The following C3orf20 variants were observed in gnomAD, a reference collection of about 807,000 sequenced individuals.
C3orf20 encodes family with sequence similarity 149 member C, also known as uncharacterized protein C3orf20.
C3orf20 carries 76 observed loss-of-function variants against 88.3 expected under a neutral mutation model. That is an observed-to-expected ratio of 0.86 (90% CI 0.72 to 1.04). C3orf20 has a LOEUF of 1.04. C3orf20 is among the 50% of genes least tolerant of loss of function. C3orf20 has a pLI of 0.00. For synonymous variants in C3orf20, 436 were observed against 437.4 expected, an observed-to-expected ratio of 1.00 and a Z score of 0.04; for missense variants, 1,056 against 1,123.3, an observed-to-expected ratio of 0.94 and a Z score of 0.86.
chr3:14,692,637 G>A (rs999563484), intron 5 of C3orf20, among the ~76,000 whole-genome samples: 1 of 151,804 alleles, frequency 6.6e-6, no homozygotes, highest in African/African-American at 2.4e-5. Context: ...ATTCTCGTCT[G>A]GTCAAATGGG....
At chr3:14,727,299 T>G (rs932507741) in intron 11 of C3orf20, among the ~76,000 whole-genome samples, 2 of 152,194 alleles carry the variant, frequency 1.3e-5, no homozygotes, top group Non-Finnish European at 2.9e-5. Context: ...TGAGATTGTC[T>G]TATTTTCCTG....
Position 14,684,099 on chromosome 3 carries a change from C to T in C3orf20, c.485-143C>T, listed in dbSNP as rs2124888684. On this transcript the variant is annotated intron_variant, in intron 3 of 16. Coordinates refer to ENST00000253697, the MANE Select transcript of C3orf20 (RefSeq NM_032137.5). Reference sequence around the variant, plus strand: ...GGGTCCTCAGAGCTTGAGAGCCTTTCACAGTAGCCCCCTCACCCCTGCATA... The same window carrying T: ...GGGTCCTCAGAGCTTGAGAGCCTTTTACAGTAGCCCCCTCACCCCTGCATA... 5.4e-6 allele frequency: 6 copies of T among 1,118,488 alleles called. No individual in the cohort carries two copies. The South Asian group carries it at 9.4e-5, about 17-fold the overall frequency. The allele number at this position is 1,118,488 out of a possible 1,614,324, so 69.3% of individuals were successfully genotyped here.
rs537450556 is a variant in C3orf20 at position 14,770,046 on chromosome 3, T to C, written c.2496-2021T>C. Among the ~76,000 whole-genome samples, 106 of 152,088 alleles carry C rather than the reference T, an allele frequency of 7.0e-4. 1 individual carries two copies. The highest frequency in any genetic ancestry group is 1.9e-4 in the Non-Finnish European group (13 of 67,994). On this transcript the variant is annotated intron_variant, in intron 15 of 16. Transcript: ENST00000253697. ...CAGAGTTGCTGGGACCTCCTCCACA[T>C]CCACCCTGGGCTGGGGCTCTAGGGG...
intron 10 of C3orf20, among the ~76,000 whole-genome samples, chr3:14,724,255 T>A (rs530633871): frequency 6.6e-6 from 1 of 152,306 alleles, no homozygotes; most frequent in African/African-American, 2.4e-5. Context: ...TATTAGAAAA[T>A]TATTTATTCT....
intron 3 of C3orf20, 100 bp downstream of exon 3, chr3:14,683,297 A>G: frequency 7.0e-7 from 1 of 1,437,396 alleles, no homozygotes; most frequent in Non-Finnish European, 9.2e-7. Context: ...GGTCTGCTGT[A>G]GGAATTGGAT....
At chr3:14,722,282 A>T (rs1380557219) in intron 10 of C3orf20, 1 of 348,686 alleles carries the variant, frequency 2.9e-6, no homozygotes, top group East Asian at 7.4e-5. Context: ...CTCCAGTAGA[A>T]ATGCCAACAT....
chr3:14,742,184 T>C (rs1350290558), intron 12 of C3orf20, among the ~76,000 whole-genome samples: 1 of 152,228 alleles, frequency 6.6e-6, no homozygotes, highest in African/African-American at 2.4e-5. Flanking sequence ...TGCACCAACC[T>C]AGTAAGTAAC....
At chr3:14,709,532 G>A (rs1430379151) in intron 7 of C3orf20, among the ~76,000 whole-genome samples, 1 of 152,062 alleles carries the variant, frequency 6.6e-6, no homozygotes, top group Non-Finnish European at 1.5e-5. Flanking sequence ...ATATGTTGTG[G>A]GAGTTCCCTT....
At chr3:14,760,457 C>T (rs1302749540) in intron 14 of C3orf20, among the ~76,000 whole-genome samples, 1 of 152,196 alleles carries the variant, frequency 6.6e-6, no homozygotes, top group Non-Finnish European at 1.5e-5. Context: ...CCACCACATG[C>T]TAACATTTTG....
intron 1 of C3orf20, among the ~76,000 whole-genome samples, chr3:14,678,039 C>T (rs1009450189): frequency 2.0e-5 from 3 of 151,920 alleles, no homozygotes; most frequent in Non-Finnish European, 2.9e-5. Flanking sequence ...CTACCCTCCC[C>T]ACCTCTACAC....
In C3orf20 at chr3:14,683,273, A is replaced by G; in HGVS notation, c.484+76A>G. On this transcript the variant is annotated intron_variant, in intron 3 of 16. Transcript: ENST00000253697. ...CGTCTCAGAGGCACATGCTGGGAACAGGTGGCAACTGTGGGTCTGCTGTAG... is the reference window on the plus strand; with the variant it reads ...CGTCTCAGAGGCACATGCTGGGAACGGGTGGCAACTGTGGGTCTGCTGTAG... 3 of 1,497,454 alleles carry G rather than the reference A, an allele frequency of 2.0e-6. No homozygotes were observed. The South Asian group carries it at 4.1e-5, about 21-fold the overall frequency. 92.8% of individuals were successfully genotyped at this position (1,497,454 alleles called of 1,614,324 possible).
chr3:14,679,763 C>T (rs1317259495), intron 1 of C3orf20, among the ~76,000 whole-genome samples: 2 of 152,168 alleles, frequency 1.3e-5, no homozygotes, highest in African/African-American at 4.8e-5. Flanking sequence ...CACATGTTCA[C>T]CTCTGAGTTT....
chr3:14,691,768 T>C (rs1235119681), intron 5 of C3orf20, among the ~76,000 whole-genome samples: 1 of 152,226 alleles, frequency 6.6e-6, no homozygotes, highest in Non-Finnish European at 1.5e-5. Flanking sequence ...AACAATTCAA[T>C]TGTACTCTTT....
chr3:14,720,081 G>A (rs2034096656), intron 9 of C3orf20, among the ~76,000 whole-genome samples: 2 of 152,104 alleles, frequency 1.3e-5, no homozygotes, highest in Admixed American at 6.5e-5. Context: ...CTAGGCTGGA[G>A]TGTAGTGGCG....
intron 5 of C3orf20, among the ~76,000 whole-genome samples, chr3:14,691,039 A>G (rs1351174035): frequency 6.6e-6 from 1 of 152,230 alleles, no homozygotes; most frequent in Non-Finnish European, 1.5e-5. Flanking sequence ...CACTCACCAT[A>G]TCGAGCTGAT....
rs150113791 is a variant in C3orf20, at chr3:14,720,091, G to A, written c.1435-1562G>A. ...GTCGCCTAGGCTGGAGTGTAGTGGCGTGATCTCAGCTCACTGCAAGCTCTG... is the reference window on the plus strand; with the variant it reads ...GTCGCCTAGGCTGGAGTGTAGTGGCATGATCTCAGCTCACTGCAAGCTCTG... On this transcript the variant is annotated intron_variant, in intron 9 of 16. Coordinates refer to ENST00000253697, the MANE Select transcript of C3orf20 (RefSeq NM_032137.5). 2.2e-3 allele frequency among the ~76,000 whole-genome samples: 340 copies of A among 152,054 alleles called. 1 individual carries two copies. Among genetic ancestry groups the A allele is most frequent in the African/African-American group, 7.7e-3 (319 of 41,438 alleles).
At chr3:14,688,855 G>A (rs895412971) in intron 4 of C3orf20, among the ~76,000 whole-genome samples, 9 of 152,064 alleles carry the variant, frequency 5.9e-5, no homozygotes, top group Non-Finnish European at 1.2e-4. Flanking sequence ...TTACTTAACA[G>A]AGTACAGCTG....
chr3:14,675,384 T>G (rs2031706540), intron 1 of C3orf20, 132 bp downstream of exon 1: 1 of 152,204 alleles, frequency 6.6e-6, no homozygotes, highest in African/African-American at 2.4e-5. Context: ...GCTGTGGACA[T>G]TATCTTCATG....
rs950425724 is a variant in C3orf20, at chr3:14,704,223, T to C, written c.879-114T>C. On this transcript the variant is annotated intron_variant, in intron 6 of 16. Coordinates refer to ENST00000253697, the MANE Select transcript of C3orf20 (RefSeq NM_032137.5). The stretch of plus-strand genomic sequence containing the variant: ...GGAGCATGGGTTGGGGATGTGTACT[T>C]TGGGGACAGGGGAATGGGATAGGGG... The C allele has an allele frequency of 2.0e-5, 22 of 1,122,262 alleles. No homozygotes were observed. The South Asian group carries it at 2.7e-4, about 14-fold the overall frequency. 69.5% of individuals were successfully genotyped at this position (1,122,262 alleles called of 1,614,324 possible).
Sources: allele counts gnomAD v4.1 joint callset (sites outside exome capture counted in the v4.1 genomes callset), GRCh38; gene constraint gnomAD v4.1.1; transcripts MANE v1.5; gene names NCBI Gene and HGNC (gene_info 2026-07-23, HGNC 2026-07-21).